Variants in CCNH observed in about 807,000 individuals in gnomAD.
CCNH encodes the protein cyclin H.
Under a neutral mutation model 41.9 loss-of-function variants are expected in CCNH, and 31 were observed. The observed-to-expected ratio is 0.74, with a 90% CI of 0.56 to 1.00. The LOEUF (loss-of-function observed/expected upper bound fraction) is 1.00. Ranked by LOEUF, CCNH falls within the 50% of genes least tolerant of loss-of-function variation. The pLI, the probability that CCNH is intolerant of heterozygous loss-of-function variation, is 0.00. For missense variants in CCNH, 362 were observed against 388.4 expected, an observed-to-expected ratio of 0.93 and a Z score of 0.57; for synonymous variants, 138 against 136.1, an observed-to-expected ratio of 1.01 and a Z score of -0.10.
Position 87,349,330 on chromosome 5 carries a change from A to T in CCNH, c.*91-30433T>A, listed in dbSNP as rs763292074. The T allele has an allele frequency of 6.2e-7, 1 of 1,611,990 alleles. No homozygotes were observed. On this transcript the variant is annotated intron_variant and NMD_transcript_variant, in intron 9 of 9. Coordinates refer to the CCNH transcript ENST00000645953. ...ATTTAAAATATGTCCAACGCCAAAC[A>T]ATCAGTTTATGATGGGAGGCCGGTA...
chr5:87,367,547 A>G (rs1312933629), intron 9 of CCNH, among the ~76,000 whole-genome samples: 1 of 152,172 alleles, frequency 6.6e-6, no homozygotes, highest in Non-Finnish European at 1.5e-5. Context: ...ATTTTTCCAG[A>G]TTATTTTCAA....
At chr5:87,394,894 A>G (rs1762800617) in intron 8 of CCNH, 150 bp downstream of exon 8, 1 of 1,482,604 alleles carries the variant, frequency 6.7e-7, no homozygotes, top group Non-Finnish European at 8.9e-7. Flanking sequence ...AATAATGGAC[A>G]ACAGTACTGT....
intron 9 of CCNH, among the ~76,000 whole-genome samples, chr5:87,369,108 A>C (rs1760739587): frequency 6.6e-6 from 1 of 152,182 alleles, no homozygotes; most frequent in Admixed American, 6.5e-5. Flanking sequence ...AAAATCTTTA[A>C]AGCAGGAAAC....
At chr5:87,375,686 C>T (rs576966314), downstream of CCNH, among the ~76,000 whole-genome samples, 2 of 152,300 alleles carry the variant, frequency 1.3e-5, no homozygotes, top group African/African-American at 4.8e-5. Context: ...CTCAGCAGCA[C>T]AGCTCCTTCC....
At chr5:87,321,966 C>A (rs776158311) in intron 9 of CCNH, among the ~76,000 whole-genome samples, 1 of 152,026 alleles carries the variant, frequency 6.6e-6, no homozygotes, top group Non-Finnish European at 1.5e-5. Context: ...CCTAACACAC[C>A]AAACATTGTA....
chr5:87,378,717 A>T (rs371486373), upstream of CCNH, among the ~76,000 whole-genome samples: 27 of 152,212 alleles, frequency 1.8e-4, no homozygotes, highest in East Asian at 7.7e-4. Context: ...TTCTTAAAAA[A>T]GATGTACTTT....
At chr5:87,363,596 A>G (rs573915396) in intron 9 of CCNH, 1 of 1,423,440 alleles carries the variant, frequency 7.0e-7, no homozygotes, top group Non-Finnish European at 9.8e-7. Context: ...CCCTAAAATC[A>G]TCTTCTAAAA....
downstream of CCNH, chr5:87,390,759 C>G: frequency 6.5e-7 from 1 of 1,537,170 alleles, no homozygotes; most frequent in Non-Finnish European, 9.0e-7. Flanking sequence ...AATTGCTGAC[C>G]GAGCTTTCAT....
downstream of CCNH, among the ~76,000 whole-genome samples, chr5:87,372,518 A>G (rs1761021479): frequency 6.6e-6 from 1 of 152,184 alleles, no homozygotes; most frequent in Non-Finnish European, 1.5e-5. Context: ...AGAACATTGA[A>G]AAGATCATCA....
intron 9 of CCNH, among the ~76,000 whole-genome samples, chr5:87,334,100 A>AT (rs894570919): frequency 1.3e-5 from 2 of 152,160 alleles, no homozygotes; most frequent in African/African-American, 2.4e-5. Flanking sequence ...TCTAGAGGAG[A>AT]TTTTTTTACG....
At chr5:87,338,338 G>A (rs546574351) in intron 9 of CCNH, among the ~76,000 whole-genome samples, 1 of 150,556 alleles carries the variant, frequency 6.6e-6, no homozygotes. Flanking sequence ...ATTAACATTT[G>A]TGTTTTCTTT....
chr5:87,394,124 A>T (rs1324323769), downstream of CCNH: 1 of 383,258 alleles, frequency 2.6e-6, no homozygotes, highest in Non-Finnish European at 3.8e-6. Context: ...AAAGCTGGCT[A>T]CTAAGTTTTG....
At chr5:87,360,971 C>T (rs1450172879) in intron 9 of CCNH, among the ~76,000 whole-genome samples, 1 of 152,116 alleles carries the variant, frequency 6.6e-6, no homozygotes, top group Non-Finnish European at 1.5e-5. Context: ...GCAAAGATGG[C>T]CTTTTATGTT....
rs771240436 is a variant in CCNH at position 87,395,083 on chromosome 5, T to C, written c.894A>G (p.Glu298=). 3 of 1,611,400 alleles carry C rather than the reference T, an allele frequency of 1.9e-6. No individual in the cohort carries two copies. In the South Asian group the frequency reaches 3.3e-5, roughly 18 times the overall value. ...NVITKKRKGY[E]DDDYVSKKSK... ...ATTTCTTTGAGACGTAATCATCATC[T>C]TCATAGCCTTTCCTCTTCTTCCTAT... The change falls in exon 8 of 9, where the codon GAA becomes GAG. Residue 298 remains glutamate (E), a synonymous_variant. Transcript: ENST00000256897.
chr5:87,362,669 AG>A lies in CCNH; in HGVS notation c.*90+30100del, dbSNP rs1361922924. 1 of 1,605,572 alleles carries A rather than the reference AG, an allele frequency of 6.2e-7. No homozygotes were observed. Among genetic ancestry groups the A allele is most frequent in the Non-Finnish European group, 8.5e-7 (1 of 1,172,674 alleles). On this transcript the variant is annotated intron_variant and NMD_transcript_variant, in intron 9 of 9. Transcript: ENST00000645953. ...GTTAAGAAAGGTTATCTTCTGAAAA[AG>A]GGTAAGTTCAGACTTTTATCATTAA... is the stretch of plus-strand genomic sequence containing the variant.
chr5:87,357,242 A>G (rs922208355), intron 9 of CCNH, among the ~76,000 whole-genome samples: 5 of 151,928 alleles, frequency 3.3e-5, no homozygotes, highest in Non-Finnish European at 7.4e-5. Flanking sequence ...ATATAAATAT[A>G]TATATGTTTT....
chr5:87,373,113 G>T (rs1327137769), downstream of CCNH, among the ~76,000 whole-genome samples: 2 of 152,120 alleles, frequency 1.3e-5, no homozygotes, highest in Non-Finnish European at 2.9e-5. Flanking sequence ...ACATTTGCAG[G>T]TTTAATATAA....
downstream of CCNH, among the ~76,000 whole-genome samples, chr5:87,317,630 T>G (rs1346259942): frequency 6.6e-6 from 1 of 151,672 alleles, no homozygotes; most frequent in East Asian, 1.9e-4. Flanking sequence ...GTTTTTCTCA[T>G]GCTCTTTTTT....
At chr5:87,395,519 G>A (rs751379139) in intron 7 of CCNH, among the ~76,000 whole-genome samples, 33 of 152,234 alleles carry the variant, frequency 2.2e-4, no homozygotes, top group Non-Finnish European at 4.6e-4. Flanking sequence ...TATGCAGAAG[G>A]ATGAATTTAA....
Sources: gnomAD v4.1 joint callset for allele counts (sites outside exome capture counted in the v4.1 genomes callset) on GRCh38, gnomAD v4.1.1 for gene constraint, MANE v1.5 for transcripts, NCBI Gene and HGNC (gene_info 2026-07-23, HGNC 2026-07-21) for gene names.